MGRN1: variants seen among roughly 807,000 people sequenced by gnomAD.
MGRN1 encodes the protein mahogunin ring finger 1.
Under a neutral mutation model 69.2 loss-of-function variants are expected in MGRN1, and 29 were observed. That is an observed-to-expected ratio of 0.42 (90% CI 0.31 to 0.57). The LOEUF is 0.57. MGRN1 is among the 20% of genes least tolerant of loss of function. The pLI is 0.15. For synonymous variants in MGRN1, 470 were observed against 344.2 expected, an observed-to-expected ratio of 1.37 and a Z score of -4.04; for missense variants, 998 against 796.2, an observed-to-expected ratio of 1.25 and a Z score of -3.05.
rs373179072 is a variant in MGRN1 at position 4,647,341 on chromosome 16, G to A, written c.89-3024G>A. ...GGGGTGCCTTGTGGCCCCTGGCCCC[G>A]CCCCGTAGGCTGTGTGGAAAATTCA... On this transcript the variant is annotated intron_variant, in intron 1 of 16. Transcript: ENST00000262370. Among the ~76,000 whole-genome samples, 346 of 152,282 alleles carry A rather than the reference G, an allele frequency of 2.3e-3. 2 individuals carry two copies. The highest frequency in any genetic ancestry group is 8.0e-3 in the African/African-American group (332 of 41,544).
chr16:4,690,680 A>T lies in MGRN1; in HGVS notation c.*1772A>T, dbSNP rs2079437801. On this transcript the variant is annotated 3_prime_UTR_variant, in exon 17 of 17. Coordinates refer to ENST00000262370, the MANE Select transcript of MGRN1 (RefSeq NM_015246.4). ...CATACTCCTGCACATGTTCCCATGCATGTGTGTGCACTCGGACCGAGCATC... is the reference window on the plus strand; with the variant it reads ...CATACTCCTGCACATGTTCCCATGCTTGTGTGTGCACTCGGACCGAGCATC... 6.6e-6 allele frequency: 1 copy of T among 152,040 alleles called. No homozygotes were observed. The highest frequency in any genetic ancestry group is 6.5e-5 in the Admixed American group (1 of 15,274). 9.4% of individuals were successfully genotyped at this position (152,040 alleles called of 1,614,324 possible).
In MGRN1 at chr16:4,686,408, C is replaced by T. The variant is rs940759566; in HGVS notation, c.1619-2388C>T. The T allele has an allele frequency of 1.5e-4, 226 of 1,472,298 alleles. 1 individual carries two copies. In the Middle Eastern group the frequency reaches 1.9e-3, roughly 12 times the overall value. 91.2% of individuals were successfully genotyped at this position (1,472,298 alleles called of 1,614,324 possible). On this transcript the variant is annotated intron_variant, in intron 16 of 16. Transcript: ENST00000262370. ...GGGTTCCTTCTGGTTTTTGGGTCTT[C>T]GTCCGCATCCGCATCTTCCCAGGGG...
intron 13 of MGRN1, among the ~76,000 whole-genome samples, chr16:4,682,420 A>G (rs911890191): frequency 1.3e-5 from 2 of 152,122 alleles, no homozygotes; most frequent in Admixed American, 6.5e-5. Context: ...CTCGTAGAAG[A>G]GTGTCAGGAA....
intron 1 of MGRN1, among the ~76,000 whole-genome samples, chr16:4,644,065 C>A (rs773745111): frequency 3.9e-5 from 6 of 151,966 alleles, no homozygotes. Flanking sequence ...GCAACCTCTG[C>A]CTCCCAGATG....
chr16:4,687,063 C>T lies in MGRN1; in HGVS notation c.1619-1733C>T, dbSNP rs561304231. 4 of 985,664 alleles carry T rather than the reference C, an allele frequency of 4.1e-6. No individual in the cohort carries two copies. In the South Asian group the frequency reaches 1.4e-4, roughly 35 times the overall value. 61.1% of individuals were successfully genotyped at this position (985,664 alleles called of 1,614,324 possible). On this transcript the variant is annotated intron_variant, in intron 16 of 16. Coordinates refer to ENST00000262370, the MANE Select transcript of MGRN1 (RefSeq NM_015246.4). ...CATGGCCACCGTGGGCCTGGCATCA[C>T]CATGGGCCTGGCACACAGTCCCTCG...
intron 1 of MGRN1, among the ~76,000 whole-genome samples, chr16:4,642,205 G>C (rs1041633537): frequency 6.7e-6 from 1 of 149,410 alleles, no homozygotes; most frequent in African/African-American, 2.5e-5. Context: ...ATTTCAGCTC[G>C]CTGCAACCTC....
chr16:4,668,905 C>T (rs1203717164), intron 8 of MGRN1, among the ~76,000 whole-genome samples: 1 of 152,096 alleles, frequency 6.6e-6, no homozygotes, highest in East Asian at 1.9e-4. Flanking sequence ...CATTCACTCG[C>T]ACACATATAC....
chr16:4,647,620 C>T (rs578169419), intron 1 of MGRN1, among the ~76,000 whole-genome samples: 1 of 152,212 alleles, frequency 6.6e-6, no homozygotes, highest in African/African-American at 2.4e-5. Context: ...GCGGTGACCC[C>T]TCAGAAAATG....
chr16:4,673,426 C>T (rs559783748), intron 9 of MGRN1, 72 bp from the exon 10 acceptor site: 7 of 1,561,268 alleles, frequency 4.5e-6, no homozygotes, highest in Admixed American at 1.7e-5. Context: ...GGTGGGACAG[C>T]TGGGGACAGG....
chr16:4,670,798 G>A (rs750155930), intron 8 of MGRN1, among the ~76,000 whole-genome samples: 3 of 152,252 alleles, frequency 2.0e-5, no homozygotes, highest in Admixed American at 6.5e-5. Context: ...TCAGGGCCTT[G>A]TGTTGAGAGA....
chr16:4,688,708 GC>G (rs745409506), intron 16 of MGRN1, 87 bp from the exon 17 acceptor site: 2 of 1,472,424 alleles, frequency 1.4e-6, no homozygotes, highest in Non-Finnish European at 9.1e-7. Flanking sequence ...GGATGGCCCA[GC>G]CCCTCTGGGG....
intron 7 of MGRN1, among the ~76,000 whole-genome samples, chr16:4,665,775 T>C (rs1452918238): frequency 6.6e-6 from 1 of 151,330 alleles, no homozygotes; most frequent in Non-Finnish European, 1.5e-5. Flanking sequence ...GTTCAAGCGA[T>C]TCTCCTGCCT....
chr16:4,652,100 C>T (rs759185018), intron 3 of MGRN1, 49 bp downstream of exon 3: 1 of 1,571,982 alleles, frequency 6.4e-7, no homozygotes, highest in Non-Finnish European at 8.7e-7. Flanking sequence ...GGGGCGCAGC[C>T]TGTGGTGGAG....
intron 1 of MGRN1, among the ~76,000 whole-genome samples, chr16:4,629,466 CAT>C (rs1897878696): frequency 6.6e-6 from 1 of 152,076 alleles, no homozygotes; most frequent in Admixed American, 6.6e-5. Flanking sequence ...TGGGCCCAGG[CAT>C]GGTGGCTCAC....
chr16:4,664,503 G>A (rs1246416114), intron 5 of MGRN1: 2 of 600,496 alleles, frequency 3.3e-6, no homozygotes, highest in Admixed American at 3.0e-5. Context: ...TAAAATGGCA[G>A]ATTTTGTGTT....
rs994925499 is a variant in MGRN1 at position 4,629,600 on chromosome 16, G to C, written c.88+4552G>C. 2.0e-5 allele frequency among the ~76,000 whole-genome samples: 3 copies of C among 152,124 alleles called. No homozygotes were observed. The East Asian group carries it at 5.8e-4, about 29-fold the overall frequency. On this transcript the variant is annotated intron_variant, in intron 1 of 16. Transcript: ENST00000262370. Reference sequence around the variant, plus strand: ...CTAAAAATACAAAAATTAGCTGGGCGTGGTGGCACACACCTGTAGTCCCAG... The same window carrying C: ...CTAAAAATACAAAAATTAGCTGGGCCTGGTGGCACACACCTGTAGTCCCAG...
intron 9 of MGRN1, chr16:4,672,348 G>A (rs771555202): frequency 1.1e-5 from 5 of 456,572 alleles, no homozygotes; most frequent in Non-Finnish European, 1.8e-5. Context: ...ACGCCTGGTC[G>A]ATGAACTTGT....
At chr16:4,630,048 CAAAAAAA>C (rs1166734489) in intron 1 of MGRN1, among the ~76,000 whole-genome samples, 1 of 43,862 alleles carries the variant, frequency 2.3e-5, no homozygotes, top group Admixed American at 2.7e-4. Flanking sequence ...GACACCATCT[CAAAAAAA>C]AAAAAAAAAA....
chr16:4,643,083 G>A (rs953485559), intron 1 of MGRN1, among the ~76,000 whole-genome samples: 18 of 152,060 alleles, frequency 1.2e-4, no homozygotes, highest in African/African-American at 4.3e-4. Context: ...AGCCTCCTAA[G>A]TAGCTGGGAC....
Sources: gnomAD v4.1 joint callset for allele counts (sites outside exome capture counted in the v4.1 genomes callset) on GRCh38, gnomAD v4.1.1 for gene constraint, MANE v1.5 for transcripts, NCBI Gene and HGNC (gene_info 2026-07-23, HGNC 2026-07-21) for gene names.